NRXN3: variants seen among roughly 807,000 people sequenced by gnomAD.
The protein encoded by NRXN3 is neurexin III.
Under a neutral mutation model 137.6 loss-of-function variants are expected in NRXN3, and 32 were observed. That is an observed-to-expected ratio of 0.23 (90% CI 0.18 to 0.31). The LOEUF is 0.31. NRXN3 is among the 10% of genes least tolerant of loss of function. The pLI is 1.00. For synonymous variants in NRXN3, 798 were observed against 784.5 expected (o/e 1.02, Z -0.29); for missense variants, 1,574 against 2,062.5 (o/e 0.76, Z 4.59).
Position 79,834,241 on chromosome 14 carries a change from A to G in NRXN3, c.4094-27101A>G, listed in dbSNP as rs571508829. 5.3e-5 allele frequency among the ~76,000 whole-genome samples: 8 copies of G among 152,236 alleles called. No individual in the cohort carries two copies. In the South Asian group the frequency reaches 1.7e-3, roughly 32 times the overall value. On this transcript the variant is annotated intron_variant, in intron 20 of 20. Transcript: ENST00000335750. Reference sequence around the variant, plus strand: ...TAATACTGGGAGTTTAAAGTGCCACAATGGAAAAGCAAACTCAATTACAAA... The same window carrying G: ...TAATACTGGGAGTTTAAAGTGCCACGATGGAAAAGCAAACTCAATTACAAA...
At chr14:79,141,873 G>A (rs572429000) in intron 15 of NRXN3, among the ~76,000 whole-genome samples, 6 of 152,056 alleles carry the variant, frequency 3.9e-5, no homozygotes, top group East Asian at 3.9e-4. Context: ...GTATATATTC[G>A]GTATATTCCA....
intron 4 of NRXN3, among the ~76,000 whole-genome samples, chr14:78,644,304 T>C (rs889497628): frequency 6.6e-6 from 1 of 152,002 alleles, no homozygotes; most frequent in Non-Finnish European, 1.5e-5. Context: ...TGGGCTCCAG[T>C]AGAATGCGAT....
chr14:79,820,455 G>A (rs1437407023), intron 20 of NRXN3, among the ~76,000 whole-genome samples: 1 of 152,174 alleles, frequency 6.6e-6, no homozygotes, highest in Non-Finnish European at 1.5e-5. Flanking sequence ...GCCAGATTTA[G>A]TACTACCAGC....
At chr14:79,032,195 A>G (rs114452151) in intron 15 of NRXN3, among the ~76,000 whole-genome samples, 2,498 of 152,238 alleles carry the variant, frequency 0.016, 54 homozygotes, top group African/African-American at 0.057. Context: ...TGGGAAATTT[A>G]TTTTCTCTGA....
chr14:78,659,294 A>C (rs2097813037), intron 6 of NRXN3, among the ~76,000 whole-genome samples: 1 of 152,148 alleles, frequency 6.6e-6, no homozygotes, highest in Non-Finnish European at 1.5e-5. Flanking sequence ...TGAGAAAATA[A>C]GTTTCGGTAA....
chr14:79,270,481 A>G (rs2079137393), intron 15 of NRXN3, among the ~76,000 whole-genome samples: 1 of 152,192 alleles, frequency 6.6e-6, no homozygotes, highest in Non-Finnish European at 1.5e-5. Context: ...AGGCTAGGTA[A>G]CTTGTCCAAG....
intron 5 of NRXN3, 54 bp from the exon 6 acceptor site, chr14:78,651,111 T>C (rs551483175): frequency 2.6e-6 from 4 of 1,546,754 alleles, no homozygotes; most frequent in East Asian, 2.3e-5. Flanking sequence ...TGGGTTATGA[T>C]AGGATCGTAA....
At chr14:79,491,701 A>G (rs1222968580) in intron 16 of NRXN3, among the ~76,000 whole-genome samples, 1 of 152,118 alleles carries the variant, frequency 6.6e-6, no homozygotes, top group African/African-American at 2.4e-5. Flanking sequence ...GAGAGAATGA[A>G]TCTATCTCCA....
At chr14:79,652,200 C>T (rs2098479695) in intron 16 of NRXN3, among the ~76,000 whole-genome samples, 1 of 152,178 alleles carries the variant, frequency 6.6e-6, no homozygotes, top group Non-Finnish European at 1.5e-5. Context: ...CACACATTTA[C>T]ATGGCAACAT....
chr14:78,886,408 T>G (rs1238047746), intron 10 of NRXN3, among the ~76,000 whole-genome samples: 3 of 152,106 alleles, frequency 2.0e-5, no homozygotes, highest in Admixed American at 1.3e-4. Context: ...GTTCATGATA[T>G]TCAATAAATA....
chr14:79,158,955 G>A (rs575021121), intron 15 of NRXN3, among the ~76,000 whole-genome samples: 91 of 151,898 alleles, frequency 6.0e-4, no homozygotes, highest in African/African-American at 2.0e-3. Flanking sequence ...AAAATTGCTC[G>A]TGTTTGATGA....
chr14:78,351,847 G>T (rs1597651084), intron 4 of NRXN3, among the ~76,000 whole-genome samples: 2 of 143,000 alleles, frequency 1.4e-5, no homozygotes, highest in African/African-American at 2.5e-5. Flanking sequence ...TATTAATTTG[G>T]CTCTCCATAG....
intron 10 of NRXN3, among the ~76,000 whole-genome samples, chr14:78,888,522 G>A (rs549269974): frequency 3.3e-5 from 5 of 152,016 alleles, no homozygotes; most frequent in African/African-American, 4.8e-5. Flanking sequence ...TTTTCCTACT[G>A]TCAGGGAAAC....
chr14:78,278,388 C>T (rs111333143), intron 2 of NRXN3, among the ~76,000 whole-genome samples: 2 of 152,208 alleles, frequency 1.3e-5, no homozygotes, highest in South Asian at 2.1e-4. Flanking sequence ...GATGTCTTTC[C>T]GGACAGATGT....
intron 4 of NRXN3, among the ~76,000 whole-genome samples, chr14:78,408,642 T>C (rs953785656): frequency 5.9e-5 from 9 of 152,202 alleles, no homozygotes; most frequent in African/African-American, 2.2e-4. Flanking sequence ...AGTGATGGAA[T>C]GACAAGCCCA....
chr14:78,921,970 C>A (rs960337504), intron 10 of NRXN3, among the ~76,000 whole-genome samples: 1 of 152,184 alleles, frequency 6.6e-6, no homozygotes, highest in African/African-American at 2.4e-5. Context: ...ATGTTCACAT[C>A]ATATTCCTTT....
At chr14:79,100,522 T>C (rs545815087) in intron 15 of NRXN3, among the ~76,000 whole-genome samples, 1 of 152,338 alleles carries the variant, frequency 6.6e-6, no homozygotes, top group African/African-American at 2.4e-5. Context: ...CGTGTCTAGA[T>C]ATTAGATCCT....
intron 4 of NRXN3, among the ~76,000 whole-genome samples, chr14:78,559,225 T>C (rs1383338811): frequency 6.6e-6 from 1 of 152,252 alleles, no homozygotes; most frequent in Admixed American, 6.5e-5. Context: ...TTGTAAGATA[T>C]GTAACATGCT....
chr14:79,182,717 TAAGAC>T (rs2063080567), intron 15 of NRXN3, among the ~76,000 whole-genome samples: 1 of 152,198 alleles, frequency 6.6e-6, no homozygotes, highest in Admixed American at 6.5e-5. Flanking sequence ...TTCTAAGTGT[TAAGAC>T]AAGACTTGGA....
Sources: gnomAD v4.1 joint callset for allele counts (sites outside exome capture counted in the v4.1 genomes callset) on GRCh38, gnomAD v4.1.1 for gene constraint, MANE v1.5 for transcripts, NCBI Gene and HGNC (gene_info 2026-07-23, HGNC 2026-07-21) for gene names.